CNDP1: variants seen among roughly 807,000 people sequenced by gnomAD.
CNDP1 encodes the protein carnosine dipeptidase 1.
Under a neutral mutation model 58.1 loss-of-function variants are expected in CNDP1, and 44 were observed. The observed-to-expected ratio is 0.76, with a 90% CI of 0.60 to 0.97. The LOEUF is 0.97. CNDP1 is among the 50% of genes least tolerant of loss of function. The pLI, the probability that CNDP1 is intolerant of heterozygous loss-of-function variation, is 0.00. For missense variants in CNDP1, 616 were observed against 655.1 expected (o/e 0.94, Z 0.65); for synonymous variants, 254 against 252.6 (o/e 1.01, Z -0.05).
At chr18:74,570,430 G>A (rs950424772) in intron 6 of CNDP1, among the ~76,000 whole-genome samples, 5 of 152,068 alleles carry the variant, frequency 3.3e-5, no homozygotes, top group Admixed American at 2.0e-4. Context: ...GCAGGACAGT[G>A]TCTGTTAAGT....
At chr18:74,584,395 T>G (rs1311318136) in intron 11 of CNDP1, 101 bp from the exon 12 acceptor site, 1 of 812,058 alleles carries the variant, frequency 1.2e-6, no homozygotes, top group Non-Finnish European at 2.1e-6. Context: ...TTAAATGGAA[T>G]TTATAACATC....
intron 3 of CNDP1, among the ~76,000 whole-genome samples, chr18:74,560,649 G>A (rs553394603): frequency 1.3e-4 from 20 of 151,882 alleles, no homozygotes; most frequent in African/African-American, 2.7e-4. Context: ...GTGCCACTGC[G>A]CTCCAGCCTG....
Position 74,568,828 on chromosome 18 carries a change from G to A in CNDP1, c.756+1395G>A, listed in dbSNP as rs1383197559. ...GCAGTGGTAAGGTCTGGAGTCATCTGTCCATGCAAATTGCTGGCTTTCTGC... is the reference window on the plus strand; with the variant it reads ...GCAGTGGTAAGGTCTGGAGTCATCTATCCATGCAAATTGCTGGCTTTCTGC... On this transcript the variant is annotated intron_variant, in intron 6 of 11. Transcript: ENST00000358821. Among the ~76,000 whole-genome samples the A allele has an allele frequency of 2.0e-5, 3 of 152,264 alleles. 1 individual carries two copies. The highest frequency in any genetic ancestry group is 7.2e-5 in the African/African-American group (3 of 41,534).
chr18:74,573,075 A>G lies in CNDP1; in HGVS notation c.841+1805A>G, dbSNP rs530727562. Among the ~76,000 whole-genome samples, 298 of 152,274 alleles carry G rather than the reference A, an allele frequency of 2.0e-3. 1 individual carries two copies. Among genetic ancestry groups the G allele is most frequent in the African/African-American group, 7.0e-3 (291 of 41,564 alleles). On this transcript the variant is annotated intron_variant, in intron 7 of 11. Coordinates refer to ENST00000358821, the MANE Select transcript of CNDP1 (RefSeq NM_032649.6). ...CTATATTTCTACCATCTATCTAGCTATCCATCTATCCATCTATTATCTATC... is the reference window on the plus strand; with the variant it reads ...CTATATTTCTACCATCTATCTAGCTGTCCATCTATCCATCTATTATCTATC...
intron 7 of CNDP1, among the ~76,000 whole-genome samples, chr18:74,575,317 G>A (rs966672258): frequency 2.1e-4 from 32 of 152,166 alleles, no homozygotes; most frequent in African/African-American, 5.8e-4. Flanking sequence ...GGTACAGTGC[G>A]TGCTTAGAAG....
rs539376141 is a variant in CNDP1 at position 74,556,542 on chromosome 18, T to C, written c.153+76T>C. On this transcript the variant is annotated intron_variant, in intron 2 of 11. Coordinates refer to ENST00000358821, the MANE Select transcript of CNDP1 (RefSeq NM_032649.6). ...TTTGGTATTTGGGTGAGACAATTAT[T>C]TGCTTGGAGATGTGGATTTTTTTGC... is the stretch of plus-strand genomic sequence containing the variant. 2.4e-4 allele frequency: 378 copies of C among 1,569,998 alleles called. 5 individuals carry two copies. In the South Asian group the frequency reaches 4.1e-3, roughly 17 times the overall value.
In CNDP1 at chr18:74,580,197, C is replaced by G; in HGVS notation, c.1235C>G (p.Thr412Ser). The change falls in exon 10 of 12, where the codon ACT (threonine) becomes AGT (serine). Residue 412 changes from threonine (T) to serine (S), a missense_variant. Physicochemically the swap from Thr to Ser is moderately conservative, Grantham distance 58. Coordinates refer to ENST00000358821, the MANE Select transcript of CNDP1 (RefSeq NM_032649.6). ...TCCAACAAGATGGTTGTTTCCATGA[C>G]TCTAGGACTACACCCGTGGATTGCA... is the stretch of plus-strand genomic sequence containing the variant. ...NSSNKMVVSM[T>S]LGLHPWIANI... is the part of the protein sequence containing the mutation. 1 of 1,613,970 alleles carries G rather than the reference C, an allele frequency of 6.2e-7. No homozygotes were observed. Among genetic ancestry groups the G allele is most frequent in the Non-Finnish European group, 8.5e-7 (1 of 1,179,838 alleles).
chr18:74,577,174 T>C, intron 8 of CNDP1, 145 bp downstream of exon 8: 3 of 706,326 alleles, frequency 4.2e-6, no homozygotes, highest in Non-Finnish European at 2.2e-6. Flanking sequence ...TTTTTGACAT[T>C]CACAGCCACT....
In CNDP1 at chr18:74,567,290, G is replaced by T. The variant is rs749886572; in HGVS notation, c.613G>T (p.Ala205Ser). 6.2e-7 allele frequency: 1 copy of T among 1,614,086 alleles called. No homozygotes were observed. The highest frequency in any genetic ancestry group is 1.3e-5 in the African/African-American group (1 of 74,934). The change falls in exon 6 of 12, where the codon GCC becomes TCC. Residue 205 changes from alanine to serine, a missense_variant. Coordinates refer to ENST00000358821, the MANE Select transcript of CNDP1 (RefSeq NM_032649.6). Reference protein sequence around the residue: ...IEGMEEAGSVALEELVEKEKD... With the variant: ...IEGMEEAGSVSLEELVEKEKD... The stretch of plus-strand genomic sequence containing the variant: ...GGGGATGGAAGAGGCTGGCTCTGTT[G>T]CCCTGGAGGAACTTGTGGAAAAAGA...
chr18:74,563,025 G>A (rs1368973463), intron 5 of CNDP1, among the ~76,000 whole-genome samples: 1 of 152,196 alleles, frequency 6.6e-6, no homozygotes. Flanking sequence ...AAGGCTGCAA[G>A]GCTCTGAGGG....
chr18:74,563,563 T>C (rs1469479179), intron 5 of CNDP1, among the ~76,000 whole-genome samples: 1 of 152,206 alleles, frequency 6.6e-6, no homozygotes, highest in Non-Finnish European at 1.5e-5. Flanking sequence ...ACTTGCCTCA[T>C]CTGTGAAGCA....
chr18:74,584,826 A>G lies in CNDP1; in HGVS notation c.*264A>G. On this transcript the variant is annotated 3_prime_UTR_variant, in exon 12 of 12. Coordinates refer to ENST00000358821, the MANE Select transcript of CNDP1 (RefSeq NM_032649.6). ...ACTTGATTTCCCCAAGTCCTGTGCAATAGCCCCAGGATTGGATTCCTTCAA... is the reference window on the plus strand; with the variant it reads ...ACTTGATTTCCCCAAGTCCTGTGCAGTAGCCCCAGGATTGGATTCCTTCAA... 2.4e-6 allele frequency: 1 copy of G among 419,704 alleles called. No homozygotes were observed. The highest frequency in any genetic ancestry group is 2.0e-5 in the African/African-American group (1 of 51,108). 26.0% of individuals were successfully genotyped at this position (419,704 alleles called of 1,614,324 possible). A position where few individuals can be genotyped will look rare whatever the true frequency, so the allele number is the denominator to read the frequency against.
intron 9 of CNDP1, among the ~76,000 whole-genome samples, chr18:74,579,084 C>T (rs1216430101): frequency 6.6e-6 from 1 of 151,950 alleles, no homozygotes; most frequent in African/African-American, 2.4e-5. Flanking sequence ...CTCTTTCTCC[C>T]TCCCGGCTTC....
At chr18:74,560,719 TG>T in intron 3 of CNDP1, 136 bp from the exon 4 acceptor site, 2 of 811,972 alleles carry the variant, frequency 2.5e-6, no homozygotes, top group South Asian at 3.3e-5. Flanking sequence ...AAGTGTTTCA[TG>T]GGACTCATTT....
intron 1 of CNDP1, among the ~76,000 whole-genome samples, chr18:74,554,418 T>C (rs1980985010): frequency 6.6e-6 from 1 of 152,228 alleles, no homozygotes; most frequent in African/African-American, 2.4e-5. Context: ...TATTGCCGTC[T>C]GGGACATTTT....
chr18:74,569,049 C>A (rs1195065091), intron 6 of CNDP1, among the ~76,000 whole-genome samples: 1 of 152,052 alleles, frequency 6.6e-6, no homozygotes, highest in Admixed American at 6.6e-5. Flanking sequence ...TTGGAAGGGT[C>A]AAGGGACTGA....
intron 10 of CNDP1, 125 bp downstream of exon 10, chr18:74,580,396 C>A: frequency 1.0e-6 from 1 of 968,488 alleles, no homozygotes; most frequent in Non-Finnish European, 1.6e-6. Context: ...ATACAGAGCA[C>A]ATTGTTGAAT....
chr18:74,575,116 G>T (rs1231469925), intron 7 of CNDP1, among the ~76,000 whole-genome samples: 3 of 125,652 alleles, frequency 2.4e-5, no homozygotes, highest in African/African-American at 9.4e-5. Context: ...AGGAAAGAAA[G>T]GAAGGAAGGA....
intron 6 of CNDP1, among the ~76,000 whole-genome samples, chr18:74,568,414 T>C (rs573934357): frequency 6.6e-6 from 1 of 151,980 alleles, no homozygotes; most frequent in East Asian, 1.9e-4. Flanking sequence ...ACAGAGAAAA[T>C]AGGAAGCAGG....
Sources: allele counts gnomAD v4.1 joint callset (sites outside exome capture counted in the v4.1 genomes callset), GRCh38; gene constraint gnomAD v4.1.1; transcripts MANE v1.5; gene names NCBI Gene and HGNC (gene_info 2026-07-23, HGNC 2026-07-21).